The following PTPRD variants were observed in gnomAD, a reference collection of about 807,000 sequenced individuals.
The protein encoded by PTPRD is protein tyrosine phosphatase receptor type D, also known as receptor-type tyrosine-protein phosphatase delta.
A neutral mutation model predicts 214.5 loss-of-function variants in PTPRD; 34 were observed. The observed-to-expected ratio is 0.16, with a 90% CI of 0.12 to 0.21. The LOEUF (loss-of-function observed/expected upper bound fraction) is 0.21, where lower values mean the gene tolerates loss of function less well. Among genes scored for constraint, PTPRD ranks in the 10% least tolerant of loss-of-function variants. The pLI is 1.00. For missense variants in PTPRD, 2,545 were observed against 2,398.7 expected, an observed-to-expected ratio of 1.06 and a Z score of -1.27; for synonymous variants, 1,128 against 845.7, an observed-to-expected ratio of 1.33 and a Z score of -5.79.
intron 3 of PTPRD, among the ~76,000 whole-genome samples, chr9:10,242,531 T>C (rs1411848444): frequency 6.6e-6 from 1 of 151,928 alleles, no homozygotes; most frequent in Non-Finnish European, 1.5e-5. Flanking sequence ...GTCCCTACTG[T>C]GTACCAGGCT....
intron 8 of PTPRD, among the ~76,000 whole-genome samples, chr9:9,559,593 C>A (rs1049508693): frequency 4.6e-5 from 7 of 152,188 alleles, no homozygotes; most frequent in Non-Finnish European, 8.8e-5. Flanking sequence ...TCTAACTCTG[C>A]AAGAGAATGA....
intron 5 of PTPRD, among the ~76,000 whole-genome samples, chr9:9,869,397 C>T (rs1452241161): frequency 2.0e-5 from 3 of 151,986 alleles, no homozygotes; most frequent in Admixed American, 2.0e-4. Context: ...TGTTGGGACA[C>T]TTTATTAAGA....
At chr9:8,814,858 C>T (rs184932324) in intron 11 of PTPRD, among the ~76,000 whole-genome samples, 1 of 152,150 alleles carries the variant, frequency 6.6e-6, no homozygotes, top group African/African-American at 2.4e-5. Flanking sequence ...GAGGGGAGTA[C>T]TTCCATGGTT....
chr9:10,090,165 T>C (rs1415148653), intron 3 of PTPRD, among the ~76,000 whole-genome samples: 2 of 151,644 alleles, frequency 1.3e-5, no homozygotes, highest in Non-Finnish European at 3.0e-5. Context: ...ATTTCACTTT[T>C]TAAAATCTGC....
intron 10 of PTPRD, among the ~76,000 whole-genome samples, chr9:9,105,624 T>A (rs1029504611): frequency 6.6e-6 from 1 of 152,158 alleles, no homozygotes; most frequent in Non-Finnish European, 1.5e-5. Flanking sequence ...GAGTACTTCA[T>A]CAACTAAGAT....
At chr9:8,946,230 T>C (rs1201853728) in intron 11 of PTPRD, among the ~76,000 whole-genome samples, 1 of 152,208 alleles carries the variant, frequency 6.6e-6, no homozygotes, top group Admixed American at 6.5e-5. Flanking sequence ...TTTTTGTTCC[T>C]TCATTTTAGT....
intron 21 of PTPRD, 69 bp from the exon 22 acceptor site, chr9:8,507,503 G>A (rs544230961): frequency 7.8e-5 from 124 of 1,587,952 alleles, no homozygotes; most frequent in Non-Finnish European, 1.0e-4. Context: ...TTCCATTAGC[G>A]TAACCTGCTT....
In PTPRD at chr9:8,969,576, A is replaced by G. The variant is rs1196517515; in HGVS notation, c.-104+49121T>C. ...AAATTTCAAAACAATGCTGAACAAA[A>G]ATAAGATACAGAATGAGTTCTATGT... On this transcript the variant is annotated intron_variant, in intron 11 of 45. Transcript: ENST00000381196. 3.3e-5 allele frequency among the ~76,000 whole-genome samples: 5 copies of G among 152,220 alleles called. No homozygotes were observed. The East Asian group carries it at 9.7e-4, about 29-fold the overall frequency.
intron 2 of PTPRD, among the ~76,000 whole-genome samples, chr9:10,463,989 G>A (rs2098976400): frequency 6.6e-6 from 1 of 152,042 alleles, no homozygotes; most frequent in Admixed American, 6.5e-5. Context: ...CCAAAATCAG[G>A]AGAATAACTC....
At chr9:9,173,792 G>A (rs1025853276) in intron 10 of PTPRD, among the ~76,000 whole-genome samples, 5 of 151,996 alleles carry the variant, frequency 3.3e-5, no homozygotes, top group East Asian at 3.9e-4. Context: ...ACCTCTGCTC[G>A]TCACTATCTA....
chr9:9,427,612 A>G (rs1239410615), intron 8 of PTPRD, among the ~76,000 whole-genome samples: 1 of 152,198 alleles, frequency 6.6e-6, no homozygotes, highest in East Asian at 1.9e-4. Flanking sequence ...CATAATTGTC[A>G]GATTTACCAA....
At chr9:9,223,783 A>C (rs988255363) in intron 9 of PTPRD, among the ~76,000 whole-genome samples, 3 of 152,096 alleles carry the variant, frequency 2.0e-5, no homozygotes, top group Non-Finnish European at 4.4e-5. Context: ...GTATTAACTG[A>C]AGAACTGAGG....
At chr9:8,729,065 C>G (rs149794681) in intron 12 of PTPRD, among the ~76,000 whole-genome samples, 1 of 152,168 alleles carries the variant, frequency 6.6e-6, no homozygotes, top group Non-Finnish European at 1.5e-5. Flanking sequence ...CAAGCTCACC[C>G]CCTACCTTCA....
chr9:8,786,402 C>CTTTTT (rs36018689), intron 11 of PTPRD, among the ~76,000 whole-genome samples: 9 of 66,996 alleles, frequency 1.3e-4, no homozygotes, highest in Admixed American at 2.2e-4. Context: ...GTTTGGAGTT[C>CTTTTT]TTTTTTTTTT....
At chr9:8,786,725 A>G (rs1219306800) in intron 11 of PTPRD, among the ~76,000 whole-genome samples, 2 of 146,566 alleles carry the variant, frequency 1.4e-5, no homozygotes, top group African/African-American at 5.0e-5. Context: ...AAACATTTGG[A>G]GTTTTATACC....
chr9:10,172,903 C>A (rs1360513357), intron 3 of PTPRD, among the ~76,000 whole-genome samples: 1 of 152,106 alleles, frequency 6.6e-6, no homozygotes, highest in Admixed American at 6.5e-5. Flanking sequence ...AGAGGAGATA[C>A]CCATGCATAC....
At chr9:10,208,279 C>A (rs1330729205) in intron 3 of PTPRD, among the ~76,000 whole-genome samples, 10 of 152,184 alleles carry the variant, frequency 6.6e-5, no homozygotes, top group South Asian at 2.1e-4. Context: ...CTTTGGGTGG[C>A]CGAGGAGGGC....
At chr9:9,065,910 C>T (rs62529480) in intron 10 of PTPRD, among the ~76,000 whole-genome samples, 2,240 of 152,098 alleles carry the variant, frequency 0.015, 18 homozygotes, top group Non-Finnish European at 0.022. Flanking sequence ...AAATACAGTG[C>T]CTAATTCATA....
intron 3 of PTPRD, among the ~76,000 whole-genome samples, chr9:10,258,103 A>ATGGCTGGTC (rs1564834329): frequency 6.6e-5 from 10 of 152,298 alleles, no homozygotes; most frequent in African/African-American, 2.4e-4. Flanking sequence ...CCTTCAGCCA[A>ATGGCTGGTC]TTCCACTCCT....
Sources: allele counts gnomAD v4.1 joint callset (sites outside exome capture counted in the v4.1 genomes callset), GRCh38; gene constraint gnomAD v4.1.1; transcripts MANE v1.5; gene names NCBI Gene and HGNC (gene_info 2026-07-23, HGNC 2026-07-21).